The following OPCML variants were observed in gnomAD, a reference collection of about 807,000 sequenced individuals.
OPCML encodes the protein opioid-binding protein/cell adhesion molecule.
OPCML carries 13 observed loss-of-function variants against 37.8 expected under a neutral mutation model. The ratio of observed to expected loss-of-function variants is 0.34; its 90% CI spans 0.22 to 0.55. The LOEUF is 0.55. OPCML is among the 20% of genes least tolerant of loss of function. The pLI is 0.91. For missense variants in OPCML, 341 were observed against 435.6 expected, an observed-to-expected ratio of 0.78 and a Z score of 1.93; for synonymous variants, 176 against 168.8, an observed-to-expected ratio of 1.04 and a Z score of -0.33.
chr11:132,795,251 T>C (rs1565869653), intron 2 of OPCML, among the ~76,000 whole-genome samples: 3 of 152,258 alleles, frequency 2.0e-5, no homozygotes, highest in Admixed American at 6.5e-5. Context: ...TTTTAATTTT[T>C]AGTGATGTTT....
At chr11:132,811,028 T>C (rs1263317348) in intron 2 of OPCML, among the ~76,000 whole-genome samples, 2 of 152,174 alleles carry the variant, frequency 1.3e-5, no homozygotes, top group Admixed American at 6.5e-5. Context: ...ACCTGATCGG[T>C]TCACTGTCAG....
chr11:132,550,867 T>C (rs1323656702), intron 3 of OPCML, among the ~76,000 whole-genome samples: 1 of 152,232 alleles, frequency 6.6e-6, no homozygotes, highest in Non-Finnish European at 1.5e-5. Flanking sequence ...AACAGGACCA[T>C]GATGTCCCCT....
chr11:133,356,109 G>C (rs1448006940), intron 1 of OPCML, among the ~76,000 whole-genome samples: 1 of 152,128 alleles, frequency 6.6e-6, no homozygotes. Flanking sequence ...ATGATTTCCA[G>C]TAAGCTGGAA....
chr11:133,182,894 C>A (rs1304590622), intron 1 of OPCML, among the ~76,000 whole-genome samples: 1 of 152,106 alleles, frequency 6.6e-6, no homozygotes, highest in South Asian at 2.1e-4. Flanking sequence ...TCCTGGAACA[C>A]CACGAAGGCG....
At chr11:133,201,446 C>T (rs1329812852) in intron 1 of OPCML, among the ~76,000 whole-genome samples, 7 of 152,012 alleles carry the variant, frequency 4.6e-5, no homozygotes, top group African/African-American at 7.2e-5. Flanking sequence ...GATGGTCAAA[C>T]GTTTTGATGA....
intron 4 of OPCML, among the ~76,000 whole-genome samples, chr11:132,479,725 C>T (rs1346378700): frequency 6.6e-6 from 1 of 152,182 alleles, no homozygotes; most frequent in African/African-American, 2.4e-5. Flanking sequence ...CCCCTGACCC[C>T]CAAGCAGCCT....
chr11:132,526,737 A>G (rs1248982806), intron 4 of OPCML, among the ~76,000 whole-genome samples: 2 of 152,182 alleles, frequency 1.3e-5, no homozygotes, highest in Admixed American at 6.6e-5. Flanking sequence ...TTATACTTCA[A>G]ATTTAATTGC....
intron 1 of OPCML, among the ~76,000 whole-genome samples, chr11:133,304,470 A>C (rs1942861113): frequency 6.6e-6 from 1 of 152,170 alleles, no homozygotes; most frequent in South Asian, 2.1e-4. Flanking sequence ...ACAGATGCAA[A>C]AGCAATGCCA....
chr11:132,783,911 T>A (rs1393967532), intron 2 of OPCML, among the ~76,000 whole-genome samples: 2 of 152,158 alleles, frequency 1.3e-5, no homozygotes, highest in Non-Finnish European at 2.9e-5. Context: ...CAATGCAACT[T>A]TATTACTTTT....
At position 133,274,807 on chromosome 11, in the gene OPCML, T is replaced by C. The variant is rs117372332; in HGVS notation, c.61+257457A>G. ...ATTAATTAGTCAAGTTTAACTGAGT[T>C]CTCCCTTGGAATTTCTCCTTCAAAT... On this transcript the variant is annotated intron_variant, in intron 1 of 7. Transcript: ENST00000524381. Among the ~76,000 whole-genome samples the C allele has an allele frequency of 1.2e-3, 186 of 152,270 alleles. 1 individual carries two copies. The East Asian group carries it at 0.031, about 25-fold the overall frequency.
At position 133,140,946 on chromosome 11, in the gene OPCML, C is replaced by CGAAGAA. The variant is rs1491151678; in HGVS notation, c.62-197937_62-197936insTTCTTC. On this transcript the variant is annotated intron_variant, in intron 1 of 7. Transcript: ENST00000524381. Reference sequence around the variant, plus strand: ...ACGACGACGACGAAGAAGAAGAAGACGACGAAGAAGAAGAAGAAGAAGAAG... The same window carrying CGAAGAA: ...ACGACGACGACGAAGAAGAAGAAGACGAAGAAGACGAAGAAGAAGAAGAAGAAGAAG... Among the ~76,000 whole-genome samples the CGAAGAA allele has an allele frequency of 6.5e-4, 3 of 4,650 alleles. 1 individual carries two copies. Among genetic ancestry groups the CGAAGAA allele is most frequent in the African/African-American group, 1.2e-3 (3 of 2,514 alleles). The allele number at this position is 4,650 out of a possible 152,430, so 3.1% of individuals were successfully genotyped here. A position where few individuals can be genotyped will look rare whatever the true frequency, so the allele number is the denominator to read the frequency against.
intron 2 of OPCML, among the ~76,000 whole-genome samples, chr11:132,852,269 T>C (rs1255204119): frequency 6.6e-6 from 1 of 152,272 alleles, no homozygotes; most frequent in Non-Finnish European, 1.5e-5. Context: ...GCAAAAAAAC[T>C]ACTGAAAAAA....
chr11:133,062,617 A>T (rs1948367285), intron 1 of OPCML, among the ~76,000 whole-genome samples: 1 of 152,102 alleles, frequency 6.6e-6, no homozygotes, highest in Non-Finnish European at 1.5e-5. Context: ...TTCCCTACAG[A>T]TGAGATCTTC....
intron 2 of OPCML, 181 bp from the exon 3 acceptor site, chr11:132,657,500 C>A: frequency 1.0e-5 from 8 of 801,256 alleles, no homozygotes; most frequent in Non-Finnish European, 1.2e-5. Context: ...TGACCAGAAT[C>A]ATCTTGAAGA....
chr11:132,944,846 A>C lies in OPCML; in HGVS notation c.62-1836T>G, dbSNP rs73024300. On this transcript the variant is annotated intron_variant, in intron 1 of 7. Transcript: ENST00000524381. ...GTTGTATTCTAATTTAATGGTTGCT[A>C]TGTGCATCTGCTCTACTGTATTTTC... Among the ~76,000 whole-genome samples, 10 of 152,294 alleles carry C rather than the reference A, an allele frequency of 6.6e-5. No homozygotes were observed. In the East Asian group the frequency reaches 1.9e-3, roughly 29 times the overall value.
chr11:133,007,233 C>T (rs1249458368), intron 1 of OPCML: 3 of 985,318 alleles, frequency 3.0e-6, no homozygotes, highest in Admixed American at 6.1e-5. Context: ...CCCCACCCTC[C>T]GTTTATTTTA....
At chr11:132,511,980 T>G (rs2096269809) in intron 4 of OPCML, among the ~76,000 whole-genome samples, 1 of 152,012 alleles carries the variant, frequency 6.6e-6, no homozygotes, top group Non-Finnish European at 1.5e-5. Flanking sequence ...ATAGCTGACA[T>G]AAGACATGTA....
At chr11:133,463,181 A>AC (rs1160252162) in intron 1 of OPCML, among the ~76,000 whole-genome samples, 8 of 151,946 alleles carry the variant, frequency 5.3e-5, no homozygotes, top group African/African-American at 1.9e-4. Flanking sequence ...AAAAAACAAA[A>AC]AAAAAAATAG....
chr11:133,006,572 T>C, intron 1 of OPCML: 2 of 985,382 alleles, frequency 2.0e-6, no homozygotes, highest in Non-Finnish European at 2.4e-6. Flanking sequence ...TGCTATAGGG[T>C]GCTGTTGAAA....
Sources: gnomAD v4.1 joint callset for allele counts (sites outside exome capture counted in the v4.1 genomes callset) on GRCh38, gnomAD v4.1.1 for gene constraint, MANE v1.5 for transcripts, NCBI Gene and HGNC (gene_info 2026-07-23, HGNC 2026-07-21) for gene names.